NCOA3: variants seen among roughly 807,000 people sequenced by gnomAD.
NCOA3 encodes the protein CBP-interacting protein.
A neutral mutation model predicts 158.8 loss-of-function variants in NCOA3; 51 were observed. The observed-to-expected ratio is 0.32, with a 90% CI of 0.26 to 0.41. The LOEUF is 0.41. NCOA3 is among the 10% of genes least tolerant of loss of function. The pLI is 1.00. For synonymous variants in NCOA3, 537 were observed against 592.4 expected (o/e 0.91, Z 1.36); for missense variants, 1,510 against 1,746.6 (o/e 0.86, Z 2.41).
intron 1 of NCOA3, among the ~76,000 whole-genome samples, chr20:47,548,509 A>ACTCCAGC (rs2084870993): frequency 6.6e-6 from 1 of 152,074 alleles, no homozygotes; most frequent in Non-Finnish European, 1.5e-5. Context: ...ATGCCACTGC[A>ACTCCAGC]CTCCAGCCTG....
intron 1 of NCOA3, among the ~76,000 whole-genome samples, chr20:47,568,611 C>T (rs978722174): frequency 1.3e-5 from 2 of 152,044 alleles, no homozygotes; most frequent in Non-Finnish European, 2.9e-5. Flanking sequence ...GGCAACATGG[C>T]AAGATTCCAT....
intron 1 of NCOA3, among the ~76,000 whole-genome samples, chr20:47,550,328 C>G (rs1202288221): frequency 6.6e-6 from 1 of 151,196 alleles, no homozygotes; most frequent in Non-Finnish European, 1.5e-5. Flanking sequence ...CCTGTAATCT[C>G]AGCTACTCGG....
chr20:47,504,465 A>G (rs1377659225), intron 1 of NCOA3, among the ~76,000 whole-genome samples: 6 of 151,186 alleles, frequency 4.0e-5, no homozygotes, highest in Non-Finnish European at 7.4e-5. Context: ...TTAAAGATAA[A>G]AGCTAAGTGT....
intron 2 of NCOA3, among the ~76,000 whole-genome samples, chr20:47,596,144 T>G (rs1460995865): frequency 1.3e-5 from 2 of 152,238 alleles, no homozygotes; most frequent in Non-Finnish European, 2.9e-5. Context: ...CTTCCCGAAG[T>G]CATCCTGCTT....
intron 3 of NCOA3, 68 bp downstream of exon 3, chr20:47,622,398 T>A (rs2086256300): frequency 7.5e-6 from 8 of 1,071,466 alleles, no homozygotes; most frequent in Non-Finnish European, 1.1e-5. Context: ...ACATTTTAAC[T>A]TCTTGCCATT....
chr20:47,638,515 T>TAGAATGGATAGA (rs1429760604), intron 13 of NCOA3, among the ~76,000 whole-genome samples: 1 of 152,064 alleles, frequency 6.6e-6, no homozygotes, highest in East Asian at 1.9e-4. Context: ...TTTCCTAAAC[T>TAGAATGGATAGA]AGAATGGATA....
chr20:47,611,696 G>T (rs2086046517), intron 2 of NCOA3, among the ~76,000 whole-genome samples: 1 of 152,186 alleles, frequency 6.6e-6, no homozygotes, highest in African/African-American at 2.4e-5. Flanking sequence ...GGAGGCTGAG[G>T]CAGGAGAATC....
At position 47,538,486 on chromosome 20, in the gene NCOA3, C is replaced by T. The variant is rs1476647766; in HGVS notation, c.-99+36467C>T. Among the ~76,000 whole-genome samples, 5 of 151,988 alleles carry T rather than the reference C, an allele frequency of 3.3e-5. No homozygotes were observed. The East Asian group carries it at 9.6e-4, about 29-fold the overall frequency. ...GGACACATAAGATACTTTTTAAAAA[C>T]ATAATTTTCTCTGCCTCCTTAAAGA... On this transcript the variant is annotated intron_variant, in intron 1 of 22. Coordinates refer to ENST00000371998, the MANE Select transcript of NCOA3 (RefSeq NM_181659.3).
intron 2 of NCOA3, among the ~76,000 whole-genome samples, chr20:47,601,485 A>G (rs2085861803): frequency 6.6e-6 from 1 of 152,212 alleles, no homozygotes. Context: ...ATATAGCTTT[A>G]TAGTACTTAA....
At chr20:47,511,913 A>G (rs1023047044) in intron 1 of NCOA3, among the ~76,000 whole-genome samples, 1 of 152,132 alleles carries the variant, frequency 6.6e-6, no homozygotes, top group African/African-American at 2.4e-5. Flanking sequence ...CTTAATGGGT[A>G]CAATGTATGT....
intron 1 of NCOA3, among the ~76,000 whole-genome samples, chr20:47,538,822 G>A (rs2084676641): frequency 6.6e-6 from 1 of 152,328 alleles, no homozygotes; most frequent in East Asian, 1.9e-4. Flanking sequence ...GGGATTTCAG[G>A]CGTAAGCCAC....
rs373015839 is a variant in NCOA3, at chr20:47,635,592, C to T, written c.1383C>T (p.Leu461=). 1.2e-6 allele frequency: 2 copies of T among 1,614,060 alleles called. No individual in the cohort carries two copies. Among genetic ancestry groups the T allele is most frequent in the African/African-American group, 2.7e-5 (2 of 74,916 alleles). The change falls in exon 11 of 23, where the codon CTC becomes CTT. Residue 461 remains leucine, a synonymous_variant. Coordinates refer to ENST00000371998, the MANE Select transcript of NCOA3 (RefSeq NM_181659.3). ...CCTACCAGAACAACAACTATGGGCT[C>T]AACATGAGTAGCCCCCCACATGGGA... ...PSSYQNNNYG[L]NMSSPPHGSP...
intron 1 of NCOA3, among the ~76,000 whole-genome samples, chr20:47,502,432 G>A (rs1279213213): frequency 1.3e-5 from 2 of 152,284 alleles, no homozygotes; most frequent in South Asian, 2.1e-4. Flanking sequence ...CTCCTTAGCA[G>A]CTTCTGGGAC....
chr20:47,639,755 T>C lies in NCOA3; in HGVS notation c.2886T>C (p.Pro962=). The change falls in exon 15 of 23, where the codon CCT becomes CCC. Residue 962 remains proline, a synonymous_variant. Coordinates refer to ENST00000371998, the MANE Select transcript of NCOA3 (RefSeq NM_181659.3). ...TGGGTGGCTCTATTCCCACATTGCC[T>C]CTTCGGTCTAATAGCATACCAGGTG... is the stretch of plus-strand genomic sequence containing the variant. The part of the protein sequence containing the change: ...PALGGSIPTL[P]LRSNSIPGAR... 6.2e-7 allele frequency: 1 copy of C among 1,614,222 alleles called. No homozygotes were observed. Among genetic ancestry groups the C allele is most frequent in the Non-Finnish European group, 8.5e-7 (1 of 1,180,038 alleles).
chr20:47,537,582 GTT>G (rs529005842), intron 1 of NCOA3, among the ~76,000 whole-genome samples: 6 of 142,186 alleles, frequency 4.2e-5, no homozygotes, highest in African/African-American at 5.1e-5. Flanking sequence ...TTTACATAGG[GTT>G]TTTTTTTTTT....
chr20:47,632,106 C>A lies in NCOA3; in HGVS notation c.824-1390C>A, dbSNP rs72645261. ...TTGCAAGTCCTGGCCTTCTGTACTT[C>A]TGACTGACTGGCTATAAATTGGGCT... On this transcript the variant is annotated intron_variant, in intron 8 of 22. Coordinates refer to ENST00000371998, the MANE Select transcript of NCOA3 (RefSeq NM_181659.3). Among the ~76,000 whole-genome samples the A allele has an allele frequency of 2.9e-3, 443 of 152,332 alleles. 10 individuals carry two copies. In the East Asian group the frequency reaches 0.056, roughly 19 times the overall value.
rs71183270 is a variant in NCOA3 at position 47,641,490 on chromosome 20, C to CTTT, written c.3081-697_3081-695dup. On this transcript the variant is annotated intron_variant, in intron 16 of 22. Transcript: ENST00000371998. ...GTCAGCCACCACGCCTGGCTCCCTT[C>CTTT]TTTTTTTTTTTTTTTTTTTTTTTTT... 7.9e-3 allele frequency among the ~76,000 whole-genome samples: 381 copies of CTTT among 48,356 alleles called. 60 individuals carry two copies. The highest frequency in any genetic ancestry group is 0.036 in the African/African-American group (302 of 8,396). 31.7% of individuals were successfully genotyped at this position (48,356 alleles called of 152,430 possible). A position where few individuals can be genotyped will look rare whatever the true frequency, so the allele number is the denominator to read the frequency against.
chr20:47,623,815 T>G, intron 3 of NCOA3, 96 bp from the exon 4 acceptor site: 23 of 1,088,564 alleles, frequency 2.1e-5, no homozygotes, highest in Non-Finnish European at 3.0e-5. Context: ...AAAGTAATCA[T>G]GTAATAGTGT....
intron 1 of NCOA3, among the ~76,000 whole-genome samples, chr20:47,562,451 A>G (rs2085123257): frequency 6.6e-6 from 1 of 151,942 alleles, no homozygotes; most frequent in Non-Finnish European, 1.5e-5. Context: ...GTGTATTAGT[A>G]TCATCATTTC....
Sources: allele counts gnomAD v4.1 joint callset (sites outside exome capture counted in the v4.1 genomes callset), GRCh38; gene constraint gnomAD v4.1.1; transcripts MANE v1.5; gene names NCBI Gene and HGNC (gene_info 2026-07-23, HGNC 2026-07-21).